ITGB3BP: variants seen among roughly 807,000 people sequenced by gnomAD.
ITGB3BP encodes centromere protein R.
In ITGB3BP, 27 loss-of-function variants were observed where a neutral mutation model predicts 29.1. The observed-to-expected ratio is 0.93, with a 90% CI of 0.68 to 1.28. ITGB3BP has a LOEUF of 1.28. Among genes scored for constraint, ITGB3BP ranks in the 50% most tolerant of loss-of-function variants. The probability of loss-of-function intolerance (pLI) is 0.00; values close to 1 mark genes in which losing one functional copy is unlikely to be tolerated. For missense variants in ITGB3BP, 192 were observed against 200.2 expected, an observed-to-expected ratio of 0.96 and a Z score of 0.25; for synonymous variants, 61 against 61.4, an observed-to-expected ratio of 0.99 and a Z score of 0.03.
rs757666823 is a variant in ITGB3BP at position 63,446,874 on chromosome 1, G to GTTT, written c.485-19_485-18insAAA. 5 of 1,465,362 alleles carry GTTT rather than the reference G, an allele frequency of 3.4e-6. No homozygotes were observed. The highest frequency in any genetic ancestry group is 3.8e-5 in the Admixed American group (2 of 52,312). 90.8% of individuals were successfully genotyped at this position (1,465,362 alleles called of 1,614,324 possible). A position where few individuals can be genotyped will look rare whatever the true frequency, so the allele number is the denominator to read the frequency against. ...ACGTGATGCTATATGAAAGAAGAAA[G>GTTT]GTTTTTTTTTTCAGAAAACAATTCA... On this transcript the variant is annotated intron_variant, in intron 7 of 8. Transcript: ENST00000271002.
intron 4 of ITGB3BP, among the ~76,000 whole-genome samples, chr1:63,471,035 CAT>C (rs147183446): frequency 0.022 from 3,338 of 152,204 alleles, 123 homozygotes; most frequent in African/African-American, 0.076. Flanking sequence ...AGTACCTTTT[CAT>C]ATGTTTGCTG....
intron 1 of ITGB3BP, among the ~76,000 whole-genome samples, chr1:63,518,729 T>C (rs1004774229): frequency 4.6e-5 from 7 of 152,140 alleles, no homozygotes; most frequent in Non-Finnish European, 8.8e-5. Flanking sequence ...AATTATCTGG[T>C]TGGGGCTACC....
At chr1:63,515,796 A>G (rs1186055660) in intron 1 of ITGB3BP, among the ~76,000 whole-genome samples, 2 of 131,550 alleles carry the variant, frequency 1.5e-5, no homozygotes, top group Non-Finnish European at 3.1e-5. Context: ...ACTGCACTCC[A>G]GTCTGGACAA....
intron 1 of ITGB3BP, among the ~76,000 whole-genome samples, chr1:63,515,883 G>T (rs1459964817): frequency 6.8e-6 from 1 of 146,862 alleles, no homozygotes; most frequent in Non-Finnish European, 1.5e-5. Flanking sequence ...ACACTACTGG[G>T]TATCTATCAA....
chr1:63,498,918 T>A (rs1378502703), intron 2 of ITGB3BP, among the ~76,000 whole-genome samples: 1 of 152,086 alleles, frequency 6.6e-6, no homozygotes, highest in East Asian at 1.9e-4. Flanking sequence ...ACTACTGGCC[T>A]TGCAGAAATA....
intron 3 of ITGB3BP, among the ~76,000 whole-genome samples, chr1:63,486,880 G>A (rs1195886458): frequency 1.3e-5 from 2 of 151,996 alleles, no homozygotes; most frequent in African/African-American, 4.8e-5. Context: ...GCATCACATG[G>A]TCAAGCAGAT....
chr1:63,463,535 T>C (rs576202029), intron 4 of ITGB3BP, among the ~76,000 whole-genome samples: 32 of 152,336 alleles, frequency 2.1e-4, no homozygotes, highest in Middle Eastern at 3.4e-3. Context: ...TCTGTTTTAC[T>C]TCTCACAATG....
intron 2 of ITGB3BP, among the ~76,000 whole-genome samples, chr1:63,504,155 T>C (rs557504317): frequency 2.0e-5 from 3 of 152,024 alleles, no homozygotes; most frequent in Admixed American, 1.3e-4. Context: ...GCATGGAATG[T>C]TCTTCCATTT....
At chr1:63,480,400 G>A (rs893343835) in intron 3 of ITGB3BP, among the ~76,000 whole-genome samples, 2 of 152,080 alleles carry the variant, frequency 1.3e-5, no homozygotes, top group African/African-American at 2.4e-5. Context: ...AAACACATTT[G>A]ATATATAATT....
At chr1:63,468,599 C>T (rs1039255224) in intron 4 of ITGB3BP, among the ~76,000 whole-genome samples, 11 of 151,894 alleles carry the variant, frequency 7.2e-5, no homozygotes, top group African/African-American at 2.4e-4. Flanking sequence ...TGGTGGCTTA[C>T]GCCTGTAATC....
chr1:63,493,455 A>C (rs1383986229), intron 2 of ITGB3BP, among the ~76,000 whole-genome samples: 1 of 147,684 alleles, frequency 6.8e-6, no homozygotes, highest in Non-Finnish European at 1.5e-5. Flanking sequence ...CAAACAAACA[A>C]ACCTGCTTGT....
intron 4 of ITGB3BP, among the ~76,000 whole-genome samples, chr1:63,463,522 GTC>G: frequency 6.6e-6 from 1 of 152,246 alleles, no homozygotes; most frequent in South Asian, 2.1e-4. Flanking sequence ...TACACATGAT[GTC>G]TCTGTTTTAC....
intron 1 of ITGB3BP, among the ~76,000 whole-genome samples, chr1:63,509,474 T>G (rs1646151058): frequency 6.6e-6 from 1 of 152,218 alleles, no homozygotes; most frequent in African/African-American, 2.4e-5. Context: ...AAGATTGTAC[T>G]ATGTTATATT....
At chr1:63,525,061 C>G (rs545401717), upstream of ITGB3BP, among the ~76,000 whole-genome samples, 74 of 152,208 alleles carry the variant, frequency 4.9e-4, no homozygotes, top group African/African-American at 1.7e-3. Context: ...CCACTCATAT[C>G]CCGATTCTCA....
At position 63,507,517 on chromosome 1, in the gene ITGB3BP, C is replaced by T. The variant is rs1028988573; in HGVS notation, c.48+1011G>A. ...GAACAGTATTTCATTTCAAGCTGGA[C>T]TACTCATCTACCAAAAAACCATTCT... On this transcript the variant is annotated intron_variant, in intron 2 of 8. Coordinates refer to ENST00000271002, the MANE Select transcript of ITGB3BP (RefSeq NM_014288.5). 4.6e-5 allele frequency among the ~76,000 whole-genome samples: 7 copies of T among 152,290 alleles called. No homozygotes were observed. In the South Asian group the frequency reaches 6.2e-4, roughly 14 times the overall value.
chr1:63,515,072 G>A (rs6664473), intron 1 of ITGB3BP, among the ~76,000 whole-genome samples: 32,534 of 151,798 alleles, frequency 0.21, 4,055 homozygotes, highest in African/African-American at 0.35. Context: ...ATTGCTTTCC[G>A]CGTCTTGCCT....
intron 4 of ITGB3BP, among the ~76,000 whole-genome samples, chr1:63,459,829 CA>C: frequency 6.6e-6 from 1 of 152,246 alleles, no homozygotes; most frequent in African/African-American, 2.4e-5. Flanking sequence ...CAACTGGCAT[CA>C]GAATTCCTTG....
intron 4 of ITGB3BP, 72 bp from the exon 5 acceptor site, chr1:63,455,040 T>A: frequency 1.4e-6 from 1 of 738,958 alleles, no homozygotes; most frequent in Non-Finnish European, 2.4e-6. Context: ...TTCAGAGCTT[T>A]AACTCTTTTT....
At chr1:63,460,727 C>G (rs146149429) in intron 4 of ITGB3BP, among the ~76,000 whole-genome samples, 96 of 152,170 alleles carry the variant, frequency 6.3e-4, no homozygotes, top group Non-Finnish European at 1.0e-3. Context: ...AGACTGTTTT[C>G]CACAGGAGCT....
Sources: allele counts gnomAD v4.1 joint callset (sites outside exome capture counted in the v4.1 genomes callset), GRCh38; gene constraint gnomAD v4.1.1; transcripts MANE v1.5; gene names NCBI Gene and HGNC (gene_info 2026-07-23, HGNC 2026-07-21).